Variants in EHMT1 observed in about 807,000 individuals in gnomAD.
The protein encoded by EHMT1 is euchromatic histone lysine methyltransferase 1, also known as histone-lysine N-methyltransferase EHMT1.
EHMT1 carries 15 observed loss-of-function variants against 147.2 expected under a neutral mutation model. That is an observed-to-expected ratio of 0.10 (90% confidence interval 0.07 to 0.16). The LOEUF is 0.16. EHMT1 is among the 10% of genes least tolerant of loss of function. The pLI is 1.00. For missense variants in EHMT1, 1,587 were observed against 1,772.4 expected, an observed-to-expected ratio of 0.90 and a Z score of 1.88; for synonymous variants, 795 against 709.6, an observed-to-expected ratio of 1.12 and a Z score of -1.91.
intron 25 of EHMT1, 81 bp from the exon 26 acceptor site, chr9:137,834,268 T>C (rs964313178): frequency 1.3e-6 from 2 of 1,561,904 alleles, no homozygotes; most frequent in African/African-American, 2.7e-5. Flanking sequence ...GCTCCGGGAC[T>C]GCCATGCATG....
At chr9:137,827,144 C>T (rs1384200505) in intron 25 of EHMT1, among the ~76,000 whole-genome samples, 1 of 152,176 alleles carries the variant, frequency 6.6e-6, no homozygotes, top group African/African-American at 2.4e-5. Context: ...ATCCTGTCAG[C>T]ACTCTCCACA....
chr9:137,798,759 G>A (rs2137310274), intron 16 of EHMT1, 54 bp from the exon 17 acceptor site: 1 of 1,449,700 alleles, frequency 6.9e-7, no homozygotes. Context: ...CTCAGGGCTG[G>A]CACACCAGGA....
chr9:137,647,236 C>T lies in EHMT1; in HGVS notation c.21+28187C>T, dbSNP rs980668815. Among the ~76,000 whole-genome samples the T allele has an allele frequency of 3.2e-4, 48 of 152,114 alleles. 2 individuals carry two copies. Among genetic ancestry groups the T allele is most frequent in the Non-Finnish European group, 1.5e-4 (10 of 68,028 alleles). Reference sequence around the variant, plus strand: ...GTCCTTATTCCCTGAGCTATCCAGTCCTCTGTTGACCCCAGGCTCGTGCCC... The same window carrying T: ...GTCCTTATTCCCTGAGCTATCCAGTTCTCTGTTGACCCCAGGCTCGTGCCC... On this transcript the variant is annotated intron_variant, in intron 1 of 26. Transcript: ENST00000460843.
At chr9:137,767,972 A>T (rs1040332474) in intron 10 of EHMT1, among the ~76,000 whole-genome samples, 2 of 152,098 alleles carry the variant, frequency 1.3e-5, no homozygotes, top group Non-Finnish European at 2.9e-5. Context: ...TTGTGATCAG[A>T]TATGTTTAGA....
intron 1 of EHMT1, among the ~76,000 whole-genome samples, chr9:137,696,255 T>TA (rs1943385073): frequency 6.6e-6 from 1 of 152,150 alleles, no homozygotes; most frequent in Admixed American, 6.5e-5. Flanking sequence ...GAAAATGGTT[T>TA]AAAATTAGGG....
At chr9:137,812,211 G>A (rs889422641) in intron 19 of EHMT1, among the ~76,000 whole-genome samples, 1 of 152,198 alleles carries the variant, frequency 6.6e-6, no homozygotes. Flanking sequence ...GGTGGCATGT[G>A]CCTGTAACCC....
At chr9:137,629,480 G>A (rs4542005) in intron 1 of EHMT1, among the ~76,000 whole-genome samples, 1,596 of 151,468 alleles carry the variant, frequency 0.011, 33 homozygotes, top group Admixed American at 0.047. Context: ...TGCAAGCTCC[G>A]CCTCCTGGGT....
chr9:137,654,759 A>AT (rs949906412), intron 1 of EHMT1, among the ~76,000 whole-genome samples: 5 of 152,178 alleles, frequency 3.3e-5, no homozygotes, highest in African/African-American at 1.2e-4. Context: ...AGAACATGGC[A>AT]TTATCTGGAC....
intron 1 of EHMT1, among the ~76,000 whole-genome samples, chr9:137,633,615 C>T (rs890290115): frequency 1.3e-5 from 2 of 152,074 alleles, no homozygotes; most frequent in Admixed American, 1.3e-4. Context: ...CAGTGGGGTT[C>T]TTTGGTATGT....
chr9:137,800,674 G>A lies in EHMT1; in HGVS notation c.2608-206G>A, dbSNP rs569245817. 6.7e-6 allele frequency: 4 copies of A among 599,236 alleles called. No individual in the cohort carries two copies. The East Asian group carries it at 8.5e-5, about 13-fold the overall frequency. The allele number at this position is 599,236 out of a possible 1,614,324, so 37.1% of individuals were successfully genotyped here. On this transcript the variant is annotated intron_variant, in intron 17 of 26. Coordinates refer to ENST00000460843, the MANE Select transcript of EHMT1 (RefSeq NM_024757.5). ...TTGGGCCTGGGCCAGTCCTGGTTCT[G>A]CCTTCATCCTGCGCTTGTGGAGCTA... is the stretch of plus-strand genomic sequence containing the variant.
At chr9:137,755,455 C>G (rs1000835171) in intron 8 of EHMT1, among the ~76,000 whole-genome samples, 1 of 152,234 alleles carries the variant, frequency 6.6e-6, no homozygotes, top group African/African-American at 2.4e-5. Flanking sequence ...GGCTGCCCCA[C>G]AGTCTTATCT....
Position 137,635,776 on chromosome 9 carries a change from T to C in EHMT1, c.21+16727T>C, listed in dbSNP as rs555618533. Among the ~76,000 whole-genome samples the C allele has an allele frequency of 7.1e-3, 1,077 of 151,140 alleles. 15 individuals are homozygous for C. Among genetic ancestry groups the C allele is most frequent in the African/African-American group, 0.024 (986 of 41,322 alleles). On this transcript the variant is annotated intron_variant, in intron 1 of 26. Coordinates refer to ENST00000460843, the MANE Select transcript of EHMT1 (RefSeq NM_024757.5). ...CGGAGCTTGCAGTGAGCTGAGATGGTGCCACTGCTCTCCAGCCTGGGCGAC... is the reference window on the plus strand; with the variant it reads ...CGGAGCTTGCAGTGAGCTGAGATGGCGCCACTGCTCTCCAGCCTGGGCGAC...
intron 3 of EHMT1, among the ~76,000 whole-genome samples, chr9:137,719,494 C>T (rs1945718842): frequency 6.6e-6 from 1 of 152,198 alleles, no homozygotes; most frequent in South Asian, 2.1e-4. Flanking sequence ...TGCCCTAGCC[C>T]TGGGGCTTCT....
chr9:137,695,385 C>G (rs765918052), intron 1 of EHMT1, among the ~76,000 whole-genome samples: 75 of 152,190 alleles, frequency 4.9e-4, no homozygotes, highest in Non-Finnish European at 8.4e-4. Context: ...GGGGTTTGCT[C>G]TGACCCCTGC....
chr9:137,741,690 C>G (rs1418072656), intron 4 of EHMT1, among the ~76,000 whole-genome samples: 2 of 152,176 alleles, frequency 1.3e-5, no homozygotes, highest in Non-Finnish European at 2.9e-5. Context: ...CATGCTGCAA[C>G]CCTGCAGTCA....
At position 137,665,666 on chromosome 9, in the gene EHMT1, C is replaced by T. The variant is rs761879512; in HGVS notation, c.22-45301C>T. Among the ~76,000 whole-genome samples, 9 of 152,186 alleles carry T rather than the reference C, an allele frequency of 5.9e-5. No individual in the cohort carries two copies. In the South Asian group the frequency reaches 6.2e-4, roughly 10 times the overall value. On this transcript the variant is annotated intron_variant, in intron 1 of 26. Coordinates refer to ENST00000460843, the MANE Select transcript of EHMT1 (RefSeq NM_024757.5). ...ACAGAGCTAATCCTGAGAGGCCCTACGAGCAGTGATTGCTTTGTGGGATGA... is the reference window on the plus strand; with the variant it reads ...ACAGAGCTAATCCTGAGAGGCCCTATGAGCAGTGATTGCTTTGTGGGATGA...
intron 1 of EHMT1, among the ~76,000 whole-genome samples, chr9:137,669,943 C>T (rs1389573117): frequency 1.3e-5 from 2 of 152,042 alleles, no homozygotes; most frequent in Non-Finnish European, 2.9e-5. Flanking sequence ...CTCTGCCGCC[C>T]GGGTTCAAGC....
At chr9:137,755,982 A>G (rs566588215) in intron 8 of EHMT1, among the ~76,000 whole-genome samples, 1 of 152,290 alleles carries the variant, frequency 6.6e-6, no homozygotes, top group East Asian at 1.9e-4. Context: ...ATGTATTTGT[A>G]CCTAGTCTCT....
At chr9:137,802,607 T>C in intron 18 of EHMT1, 1 of 402,634 alleles carries the variant, frequency 2.5e-6, no homozygotes, top group Non-Finnish European at 4.3e-6. Context: ...CACGGGCCCT[T>C]GCCATTCATT....
Sources: allele counts gnomAD v4.1 joint callset (sites outside exome capture counted in the v4.1 genomes callset), GRCh38; gene constraint gnomAD v4.1.1; transcripts MANE v1.5; gene names NCBI Gene and HGNC (gene_info 2026-07-23, HGNC 2026-07-21).